Variants in HOMER1 observed in about 807,000 individuals in gnomAD.
HOMER1 encodes the protein homer protein homolog 1.
Under a neutral mutation model 48.9 loss-of-function variants are expected in HOMER1, and 3 were observed. That is an observed-to-expected ratio of 0.06 (90% CI 0.03 to 0.16). The LOEUF (loss-of-function observed/expected upper bound fraction) is 0.16, where lower values mean the gene tolerates loss of function less well. HOMER1 is among the 10% of genes least tolerant of loss of function. The pLI is 1.00. For missense variants in HOMER1, 247 were observed against 411.4 expected, an observed-to-expected ratio of 0.60 and a Z score of 3.46; for synonymous variants, 134 against 146.4, an observed-to-expected ratio of 0.92 and a Z score of 0.61.
rs773954505 is a variant in HOMER1, at chr5:79,375,052, A to T, written c.*957T>A. 1.3e-5 allele frequency: 2 copies of T among 152,084 alleles called. No homozygotes were observed. Among genetic ancestry groups the T allele is most frequent in the Admixed American group, 6.6e-5 (1 of 15,260 alleles). The allele number at this position is 152,084 out of a possible 1,614,324, so 9.4% of individuals were successfully genotyped here. A position where few individuals can be genotyped will look rare whatever the true frequency, so the allele number is the denominator to read the frequency against. On this transcript the variant is annotated 3_prime_UTR_variant, in exon 9 of 9. Coordinates refer to ENST00000334082, the MANE Select transcript of HOMER1 (RefSeq NM_004272.5). ...AATTATCTATAATAAACAGTTCCCC[A>T]ATAACCATTATTATTCGTAAATTGA...
chr5:79,397,451 TTAAATTTGA>T (rs1300361825), intron 7 of HOMER1, 67 bp downstream of exon 7: 5 of 950,516 alleles, frequency 5.3e-6, no homozygotes, highest in Non-Finnish European at 8.2e-6. Context: ...TAAAATACTT[TTAAATTTGA>T]CATGGAATCT....
At chr5:79,510,012 TG>T (rs1298411617) in intron 1 of HOMER1, among the ~76,000 whole-genome samples, 7 of 152,200 alleles carry the variant, frequency 4.6e-5, no homozygotes, top group African/African-American at 7.2e-5. Context: ...TCCTTTTGCT[TG>T]AAATAGGTCC....
intron 1 of HOMER1, among the ~76,000 whole-genome samples, chr5:79,502,339 T>A (rs1752619331): frequency 6.6e-6 from 1 of 152,032 alleles, no homozygotes; most frequent in Non-Finnish European, 1.5e-5. Context: ...CATTTTACTG[T>A]AATAAATATT....
intron 2 of HOMER1, among the ~76,000 whole-genome samples, chr5:79,452,528 C>T (rs1342357403): frequency 6.6e-6 from 1 of 152,154 alleles, no homozygotes; most frequent in African/African-American, 2.4e-5. Context: ...TGGAATGATA[C>T]ATCAAGCATT....
At chr5:79,507,320 A>G (rs1240130335) in intron 1 of HOMER1, among the ~76,000 whole-genome samples, 1 of 151,954 alleles carries the variant, frequency 6.6e-6, no homozygotes, top group African/African-American at 2.4e-5. Context: ...CAATTCTTCT[A>G]GATGGTAGAT....
intron 5 of HOMER1, among the ~76,000 whole-genome samples, chr5:79,415,304 C>A (rs897944093): frequency 1.1e-4 from 17 of 151,976 alleles, no homozygotes; most frequent in African/African-American, 3.6e-4. Context: ...AGGCAATCCA[C>A]CTGCCTCAGC....
rs185092035 is a variant in HOMER1 at position 79,384,919 on chromosome 5, A to C, written c.877-8722T>G. The stretch of plus-strand genomic sequence containing the variant: ...TATGATCATCAATAGATGCAGAAAA[A>C]ACATTTGATAAAATTCAACATCGCT... On this transcript the variant is annotated intron_variant, in intron 8 of 8. Transcript: ENST00000334082. Among the ~76,000 whole-genome samples, 23 of 152,266 alleles carry C rather than the reference A, an allele frequency of 1.5e-4. No homozygotes were observed. In the East Asian group the frequency reaches 4.4e-3, roughly 29 times the overall value.
At chr5:79,439,781 T>A (rs184084917) in intron 4 of HOMER1, among the ~76,000 whole-genome samples, 4 of 152,320 alleles carry the variant, frequency 2.6e-5, no homozygotes, top group Admixed American at 2.6e-4. Flanking sequence ...TTACAAAATT[T>A]CCTGTCTTAT....
intron 4 of HOMER1, among the ~76,000 whole-genome samples, chr5:79,444,954 C>A (rs1339622156): frequency 1.3e-5 from 2 of 152,002 alleles, no homozygotes; most frequent in Non-Finnish European, 2.9e-5. Context: ...TATAATGGAG[C>A]TTTGGCTTCA....
chr5:79,503,261 G>A (rs188785169), intron 1 of HOMER1, among the ~76,000 whole-genome samples: 61 of 152,254 alleles, frequency 4.0e-4, no homozygotes, highest in Non-Finnish European at 6.9e-4. Context: ...GGCCAGGCAT[G>A]GCGGCTCACG....
chr5:79,504,713 C>A (rs925921709), intron 1 of HOMER1, among the ~76,000 whole-genome samples: 7 of 152,152 alleles, frequency 4.6e-5, no homozygotes, highest in Non-Finnish European at 7.4e-5. Flanking sequence ...AGAAGAAAGA[C>A]AATAACTACT....
intron 1 of HOMER1, among the ~76,000 whole-genome samples, chr5:79,491,680 C>T (rs1752283277): frequency 6.6e-6 from 1 of 152,106 alleles, no homozygotes; most frequent in African/African-American, 2.4e-5. Context: ...AGTTCTGGAA[C>T]TGCTTAGTCA....
intron 1 of HOMER1, among the ~76,000 whole-genome samples, chr5:79,471,551 G>GAAAAAAACAAA (rs1751620354): frequency 1.0e-5 from 1 of 97,680 alleles, no homozygotes; most frequent in Non-Finnish European, 2.1e-5. Context: ...CCATCTCAAA[G>GAAAAAAACAAA]AAAAAAAAAA....
intron 5 of HOMER1, among the ~76,000 whole-genome samples, chr5:79,431,653 G>T (rs1434430319): frequency 6.6e-6 from 1 of 152,060 alleles, no homozygotes; most frequent in Admixed American, 6.5e-5. Flanking sequence ...ATAAAGCTGA[G>T]ATATAATAAA....
At chr5:79,448,957 T>G (rs1238751253) in intron 3 of HOMER1, among the ~76,000 whole-genome samples, 2 of 150,498 alleles carry the variant, frequency 1.3e-5, no homozygotes, top group Non-Finnish European at 1.5e-5. Flanking sequence ...ATATGCTAAC[T>G]TTAAAGAAGA....
At chr5:79,485,318 T>C (rs1214624481) in intron 1 of HOMER1, among the ~76,000 whole-genome samples, 2 of 152,188 alleles carry the variant, frequency 1.3e-5, no homozygotes. Context: ...GTTTTTAAAG[T>C]ATGGGGAGGG....
chr5:79,401,320 AG>A (rs1247781954), intron 6 of HOMER1, among the ~76,000 whole-genome samples: 73 of 152,340 alleles, frequency 4.8e-4, no homozygotes, highest in African/African-American at 1.7e-3. Context: ...TAATCTTCAC[AG>A]GAATTGTACA....
chr5:79,442,265 TA>T, intron 4 of HOMER1, among the ~76,000 whole-genome samples: 1 of 152,112 alleles, frequency 6.6e-6, no homozygotes, highest in East Asian at 1.9e-4. Context: ...TGCAACCTAT[TA>T]TAAAAAAGGC....
At chr5:79,397,994 A>G in intron 6 of HOMER1, 1 of 156,730 alleles carries the variant, frequency 6.4e-6, no homozygotes, top group Admixed American at 6.5e-5. Context: ...TTCAAATTCA[A>G]TATGGGTTCT....
Sources: allele counts gnomAD v4.1 joint callset (sites outside exome capture counted in the v4.1 genomes callset), GRCh38; gene constraint gnomAD v4.1.1; transcripts MANE v1.5; gene names NCBI Gene and HGNC (gene_info 2026-07-23, HGNC 2026-07-21).